Variants in MYRIP observed in about 807,000 individuals in gnomAD.
MYRIP encodes the protein myosin VIIA and Rab interacting protein.
A neutral mutation model predicts 98.0 loss-of-function variants in MYRIP; 49 were observed. That is an observed-to-expected ratio of 0.50 (90% confidence interval 0.40 to 0.63). The LOEUF (loss-of-function observed/expected upper bound fraction) is 0.63, where lower values mean the gene tolerates loss of function less well. Among genes scored for constraint, MYRIP ranks in the 30% least tolerant of loss-of-function variants. The pLI is 0.00. For synonymous variants in MYRIP, 404 were observed against 409.5 expected (o/e 0.99, Z 0.16); for missense variants, 1,004 against 1,058.2 (o/e 0.95, Z 0.71).
intron 4 of MYRIP, among the ~76,000 whole-genome samples, 173 bp downstream of exon 4, chr3:40,151,357 T>C (rs762820882): frequency 7.2e-5 from 11 of 152,344 alleles, no homozygotes; most frequent in Non-Finnish European, 1.3e-4. Context: ...TTCTGCTAAG[T>C]TGTGACTCTT....
At chr3:39,853,929 A>G (rs1942212741) in intron 1 of MYRIP, among the ~76,000 whole-genome samples, 1 of 152,200 alleles carries the variant, frequency 6.6e-6, no homozygotes, top group Non-Finnish European at 1.5e-5. Flanking sequence ...TGATTTTTAT[A>G]TAAAGAGATA....
At chr3:39,868,409 C>A (rs936092581) in intron 1 of MYRIP, among the ~76,000 whole-genome samples, 1 of 152,126 alleles carries the variant, frequency 6.6e-6, no homozygotes, top group African/African-American at 2.4e-5. Context: ...TTTTCTCCTG[C>A]AACACCAATT....
intron 3 of MYRIP, among the ~76,000 whole-genome samples, chr3:40,088,196 G>T (rs932821679): frequency 1.3e-5 from 2 of 152,066 alleles, no homozygotes; most frequent in African/African-American, 4.8e-5. Context: ...AGGAGGGGAG[G>T]GGGGACAGAT....
chr3:39,928,914 T>G (rs1365485100), intron 2 of MYRIP, among the ~76,000 whole-genome samples: 1 of 151,996 alleles, frequency 6.6e-6, no homozygotes, highest in East Asian at 1.9e-4. Flanking sequence ...GAAGTCATGA[T>G]AGTCTACATG....
intron 1 of MYRIP, among the ~76,000 whole-genome samples, chr3:39,887,204 A>G (rs1201114355): frequency 4.6e-5 from 7 of 152,126 alleles, no homozygotes; most frequent in African/African-American, 1.4e-4. Flanking sequence ...GTAGAGGGAA[A>G]TTTGTAGCAC....
intron 12 of MYRIP, among the ~76,000 whole-genome samples, chr3:40,234,613 T>C (rs960826925): frequency 1.3e-5 from 2 of 152,102 alleles, no homozygotes; most frequent in African/African-American, 4.8e-5. Flanking sequence ...GGTGGGAGTA[T>C]TGCCAGTGCC....
At chr3:40,150,828 G>T (rs1376628835) in intron 3 of MYRIP, among the ~76,000 whole-genome samples, 1 of 152,174 alleles carries the variant, frequency 6.6e-6, no homozygotes, top group Non-Finnish European at 1.5e-5. Context: ...TAAAGGTTGT[G>T]GGATTCCCAA....
At chr3:40,204,310 A>G (rs1951737023) in intron 10 of MYRIP, among the ~76,000 whole-genome samples, 2 of 137,558 alleles carry the variant, frequency 1.5e-5, no homozygotes, top group Admixed American at 8.4e-5. Context: ...GCTCACTTCA[A>G]CCTCCATCTC....
chr3:40,225,071 C>T (rs1345900558), intron 11 of MYRIP, among the ~76,000 whole-genome samples: 1 of 152,178 alleles, frequency 6.6e-6, no homozygotes, highest in Admixed American at 6.5e-5. Context: ...GAGAAAAATA[C>T]ATGAAATCAA....
intron 2 of MYRIP, among the ~76,000 whole-genome samples, chr3:40,012,519 G>T (rs920310111): frequency 6.6e-6 from 1 of 152,170 alleles, no homozygotes; most frequent in Non-Finnish European, 1.5e-5. Flanking sequence ...GCCCCAGGGT[G>T]CCCAAGTTAA....
At chr3:39,891,046 A>G (rs1943474436) in intron 1 of MYRIP, among the ~76,000 whole-genome samples, 1 of 151,910 alleles carries the variant, frequency 6.6e-6, no homozygotes, top group South Asian at 2.1e-4. Context: ...GGTCTCTGTC[A>G]TTTTTTATTG....
At chr3:40,197,862 G>C (rs2125641624) in intron 10 of MYRIP, among the ~76,000 whole-genome samples, 1 of 152,270 alleles carries the variant, frequency 6.6e-6, no homozygotes, top group Admixed American at 6.5e-5. Context: ...TGAGGATAAT[G>C]CTATTCCCAC....
chr3:39,826,146 AT>A (rs1394414801), intron 1 of MYRIP, among the ~76,000 whole-genome samples: 3 of 150,536 alleles, frequency 2.0e-5, no homozygotes, highest in Non-Finnish European at 3.0e-5. Flanking sequence ...TATCTATTGT[AT>A]TTTTTTAGTC....
At chr3:39,918,725 A>T (rs763880048) in intron 2 of MYRIP, among the ~76,000 whole-genome samples, 3 of 152,222 alleles carry the variant, frequency 2.0e-5, no homozygotes, top group Non-Finnish European at 4.4e-5. Flanking sequence ...TCATCTTGGG[A>T]TTACAGAAAG....
intron 3 of MYRIP, among the ~76,000 whole-genome samples, chr3:40,083,863 C>T (rs950686158): frequency 6.6e-6 from 1 of 152,118 alleles, no homozygotes; most frequent in East Asian, 1.9e-4. Context: ...CTCGGCCGGG[C>T]GCGGTGGCTC....
chr3:40,043,991 C>G (rs180847357), intron 2 of MYRIP, 59 bp from the exon 3 acceptor site: 1 of 1,522,942 alleles, frequency 6.6e-7, no homozygotes, highest in Admixed American at 1.8e-5. Flanking sequence ...GGGGAGACAC[C>G]CCCTGACCTG....
intron 10 of MYRIP, among the ~76,000 whole-genome samples, chr3:40,201,477 C>G (rs982247334): frequency 6.6e-6 from 1 of 152,042 alleles, no homozygotes; most frequent in Non-Finnish European, 1.5e-5. Context: ...GGCAACTGAT[C>G]TGTAATAATA....
chr3:39,907,099 G>A (rs190503818), intron 2 of MYRIP, among the ~76,000 whole-genome samples: 4 of 152,136 alleles, frequency 2.6e-5, no homozygotes, highest in African/African-American at 9.6e-5. Context: ...AGTACCCCAT[G>A]GACTGTGTCT....
At chr3:40,018,938 A>G (rs1376675343) in intron 2 of MYRIP, among the ~76,000 whole-genome samples, 1 of 152,176 alleles carries the variant, frequency 6.6e-6, no homozygotes, top group African/African-American at 2.4e-5. Flanking sequence ...ATGAGCTCCA[A>G]CATTCTATGC....
Sources: allele counts gnomAD v4.1 joint callset (sites outside exome capture counted in the v4.1 genomes callset), GRCh38; gene constraint gnomAD v4.1.1; transcripts MANE v1.5; gene names NCBI Gene and HGNC (gene_info 2026-07-23, HGNC 2026-07-21).